The following CDH22 variants were observed in gnomAD, a reference collection of about 807,000 sequenced individuals.
CDH22 encodes cadherin-22.
Under a neutral mutation model 58.4 loss-of-function variants are expected in CDH22, and 30 were observed. The ratio of observed to expected loss-of-function variants is 0.51; its 90% CI spans 0.38 to 0.70. CDH22 has a LOEUF of 0.70. Ranked by LOEUF, CDH22 falls within the 30% of genes least tolerant of loss-of-function variation. The pLI is 0.00. For missense variants in CDH22, 1,014 were observed against 1,233.9 expected, an observed-to-expected ratio of 0.82 and a Z score of 2.67; for synonymous variants, 513 against 558.2, an observed-to-expected ratio of 0.92 and a Z score of 1.14.
chr20:46,275,862 A>G (rs1413042585), intron 1 of CDH22, among the ~76,000 whole-genome samples: 1 of 151,970 alleles, frequency 6.6e-6, no homozygotes, highest in African/African-American at 2.4e-5. Context: ...TCACGAGTGA[A>G]AGAAACTTTA....
In CDH22 at chr20:46,205,256, G is replaced by A. The variant is rs1473364767; in HGVS notation, c.1286+5051C>T. Among the ~76,000 whole-genome samples, 4 of 152,080 alleles carry A rather than the reference G, an allele frequency of 2.6e-5. No individual in the cohort carries two copies. The South Asian group carries it at 6.2e-4, about 24-fold the overall frequency. ...GCAGACCACCAAGAAAAATGGTAATGACCATTTCTCGAGGGCCTGCTATAT... is the reference window on the plus strand; with the variant it reads ...GCAGACCACCAAGAAAAATGGTAATAACCATTTCTCGAGGGCCTGCTATAT... On this transcript the variant is annotated intron_variant, in intron 7 of 11. Coordinates refer to ENST00000537909, the MANE Select transcript of CDH22 (RefSeq NM_021248.3).
At chr20:46,283,052 A>G (rs2086558248) in intron 1 of CDH22, among the ~76,000 whole-genome samples, 1 of 152,208 alleles carries the variant, frequency 6.6e-6, no homozygotes, top group Non-Finnish European at 1.5e-5. Flanking sequence ...CTCCACTGCC[A>G]TCCTTTGCTT....
chr20:46,245,523 T>C (rs1028707358), intron 2 of CDH22, among the ~76,000 whole-genome samples: 1 of 151,240 alleles, frequency 6.6e-6, no homozygotes, highest in African/African-American at 2.4e-5. Flanking sequence ...ATACAGGGGG[T>C]GGGAAAGTTG....
intron 4 of CDH22, among the ~76,000 whole-genome samples, chr20:46,225,429 T>C (rs1476762859): frequency 6.6e-6 from 1 of 152,214 alleles, no homozygotes; most frequent in East Asian, 1.9e-4. Context: ...CTTCAAAATG[T>C]ATTGTTAAGT....
chr20:46,187,114 G>A (rs962597114), intron 8 of CDH22, among the ~76,000 whole-genome samples, 167 bp from the exon 9 acceptor site: 1 of 152,042 alleles, frequency 6.6e-6, no homozygotes, highest in African/African-American at 2.4e-5. Flanking sequence ...CATAAGTTAA[G>A]TAATCATCAC....
intron 1 of CDH22, among the ~76,000 whole-genome samples, chr20:46,286,605 C>T (rs2086577984): frequency 6.6e-6 from 1 of 151,990 alleles, no homozygotes; most frequent in Admixed American, 6.6e-5. Flanking sequence ...GCCGATCCCC[C>T]GAGTCTACCA....
intron 1 of CDH22, among the ~76,000 whole-genome samples, chr20:46,291,806 G>T (rs558229162): frequency 6.6e-6 from 1 of 152,394 alleles, no homozygotes; most frequent in East Asian, 1.9e-4. Flanking sequence ...AATGGCCTCA[G>T]ACTTCAGGGT....
chr20:46,265,694 C>T (rs1213891963), intron 1 of CDH22, among the ~76,000 whole-genome samples: 2 of 152,186 alleles, frequency 1.3e-5, no homozygotes, highest in African/African-American at 4.8e-5. Context: ...TGAGATTCGT[C>T]TTTGTTCTTG....
chr20:46,174,792 G>T lies in CDH22; in HGVS notation c.2201C>A (p.Pro734Gln), dbSNP rs1458856830. The T allele has an allele frequency of 7.4e-6, 11 of 1,495,228 alleles. No homozygotes were observed. The highest frequency in any genetic ancestry group is 9.7e-6 in the Non-Finnish European group (11 of 1,128,640). The allele number at this position is 1,495,228 out of a possible 1,614,324, so 92.6% of individuals were successfully genotyped here. ...AHLPSERHSL[P>Q]QGPPSPEPDF... ...TGGCTCGGGGCTCGGCGGCCCCTGC[G>T]GCAGCGAGTGGCGCTCGGAGGGCAG... The change falls in exon 12 of 12, where the codon CCG becomes CAG. Residue 734 changes from proline (P) to glutamine (Q), a missense_variant. By Grantham distance (76) the Pro-to-Gln change is moderately conservative. Coordinates refer to ENST00000537909, the MANE Select transcript of CDH22 (RefSeq NM_021248.3). The surrounding 1 kb of genome is among the most constrained non-coding windows in gnomAD (Gnocchi z 4.4).
At chr20:46,242,722 T>C (rs1296356019) in intron 2 of CDH22, among the ~76,000 whole-genome samples, 3 of 150,826 alleles carry the variant, frequency 2.0e-5, no homozygotes, top group Non-Finnish European at 4.4e-5. Context: ...GGTATGGAGG[T>C]TTTTCATGAT....
chr20:46,190,993 C>T (rs2085858847), intron 8 of CDH22, among the ~76,000 whole-genome samples: 1 of 152,112 alleles, frequency 6.6e-6, no homozygotes, highest in African/African-American at 2.4e-5. Flanking sequence ...GAACTGAAAC[C>T]TGTGGTTTTT....
At chr20:46,229,296 C>A (rs1033994510) in intron 3 of CDH22, among the ~76,000 whole-genome samples, 2 of 148,756 alleles carry the variant, frequency 1.3e-5, no homozygotes, top group South Asian at 2.2e-4. Flanking sequence ...GTGGCCCCCC[C>A]CCCCAATTTT....
intron 10 of CDH22, among the ~76,000 whole-genome samples, chr20:46,183,583 C>G (rs1271544711): frequency 6.6e-6 from 1 of 152,116 alleles, no homozygotes; most frequent in African/African-American, 2.4e-5. Flanking sequence ...TGTGCGCCAC[C>G]ATGCCCAGCT....
intron 1 of CDH22, among the ~76,000 whole-genome samples, chr20:46,306,410 G>A (rs962693722): frequency 6.6e-6 from 1 of 152,264 alleles, no homozygotes; most frequent in African/African-American, 2.4e-5. Flanking sequence ...AGGGAAAGGG[G>A]TTGTCTCCAG....
intron 4 of CDH22, among the ~76,000 whole-genome samples, chr20:46,223,683 TTC>T (rs752345832): frequency 7.3e-5 from 5 of 68,786 alleles, no homozygotes; most frequent in African/African-American, 2.2e-4. Flanking sequence ...CTTTCTTTCT[TTC>T]TTTCTTTCTT....
At position 46,216,029 on chromosome 20, in the gene CDH22, C is replaced by CG. The variant is rs375249642; in HGVS notation, c.838+796dup. 3.3e-5 allele frequency among the ~76,000 whole-genome samples: 5 copies of CG among 152,304 alleles called. No individual in the cohort carries two copies. The highest frequency in any genetic ancestry group is 1.2e-4 in the African/African-American group (5 of 41,572). ...TAAGGGATTGGATTCCCTTATCTCT[C>CG]GGGGGTCAGTCCCCTGTGGCGGGGC... On this transcript the variant is annotated intron_variant, in intron 5 of 11. Transcript: ENST00000537909. The surrounding 1 kb of genome is among the most constrained non-coding windows in gnomAD (Gnocchi z 5.3).
At position 46,262,374 on chromosome 20, in the gene CDH22, C is replaced by T. The variant is rs139492425; in HGVS notation, c.-399-10681G>A. On this transcript the variant is annotated intron_variant, in intron 1 of 11. Coordinates refer to ENST00000537909, the MANE Select transcript of CDH22 (RefSeq NM_021248.3). Reference sequence around the variant, plus strand: ...TACCCCATATACACAGTCACCTCATCTGCAAAGGCTGACCTGGGGCCCCCA... The same window carrying T: ...TACCCCATATACACAGTCACCTCATTTGCAAAGGCTGACCTGGGGCCCCCA... 3.1e-3 allele frequency among the ~76,000 whole-genome samples: 471 copies of T among 152,144 alleles called. 1 individual carries two copies. Among genetic ancestry groups the T allele is most frequent in the African/African-American group, 0.011 (453 of 41,498 alleles).
chr20:46,227,984 C>A (rs1188298423), intron 3 of CDH22, among the ~76,000 whole-genome samples: 1 of 150,002 alleles, frequency 6.7e-6, no homozygotes, highest in East Asian at 1.9e-4. Flanking sequence ...GGGATGAATT[C>A]TAAACTCCCA....
intron 8 of CDH22, among the ~76,000 whole-genome samples, chr20:46,192,056 A>G (rs1000253243): frequency 6.6e-6 from 1 of 152,050 alleles, no homozygotes; most frequent in Admixed American, 6.6e-5. Context: ...CCATCCTACC[A>G]AATGCCACTT....
Sources: allele counts gnomAD v4.1 joint callset (sites outside exome capture counted in the v4.1 genomes callset), GRCh38; gene constraint gnomAD v4.1.1; non-coding constraint Gnocchi (gnomAD v3.1); transcripts MANE v1.5; gene names NCBI Gene and HGNC (gene_info 2026-07-23, HGNC 2026-07-21).